The following PDE7B variants were observed in gnomAD, a reference collection of about 807,000 sequenced individuals.
PDE7B encodes 3',5'-cyclic-AMP phosphodiesterase 7B.
A neutral mutation model predicts 56.2 loss-of-function variants in PDE7B; 29 were observed. That is an observed-to-expected ratio of 0.52 (90% CI 0.38 to 0.70). The LOEUF (loss-of-function observed/expected upper bound fraction) is 0.70. PDE7B is among the 30% of genes least tolerant of loss of function. The pLI is 0.00. For missense variants in PDE7B, 490 were observed against 565.0 expected, an observed-to-expected ratio of 0.87 and a Z score of 1.35; for synonymous variants, 197 against 196.9, an observed-to-expected ratio of 1.00 and a Z score of 0.00.
intron 2 of PDE7B, among the ~76,000 whole-genome samples, chr6:135,967,494 C>G (rs1775015157): frequency 1.3e-5 from 2 of 152,078 alleles, no homozygotes; most frequent in African/African-American, 4.8e-5. Flanking sequence ...TTGCTAGCAC[C>G]AGAACTTCAG....
At chr6:136,127,426 TTTTTA>T (rs1778042102) in intron 3 of PDE7B, among the ~76,000 whole-genome samples, 1 of 152,220 alleles carries the variant, frequency 6.6e-6, no homozygotes, top group African/African-American at 2.4e-5. Context: ...CCCTTTGGGC[TTTTTA>T]TTTATCAGTG....
At chr6:135,954,095 C>G (rs987082070) in intron 2 of PDE7B, among the ~76,000 whole-genome samples, 2 of 152,138 alleles carry the variant, frequency 1.3e-5, no homozygotes, top group African/African-American at 4.8e-5. Flanking sequence ...TCACCCAAGG[C>G]CCTGTCTTGT....
rs981290070 is a variant in PDE7B, at chr6:136,173,785, C to A, written c.712-12C>A. 2 of 1,567,874 alleles carry A rather than the reference C, an allele frequency of 1.3e-6. No homozygotes were observed. The highest frequency in any genetic ancestry group is 1.8e-6 in the Non-Finnish European group (2 of 1,139,250). On this transcript the variant is annotated splice_polypyrimidine_tract_variant and intron_variant, in intron 8 of 12. Transcript: ENST00000308191. The stretch of plus-strand genomic sequence containing the variant: ...CCCTCTCATTTATAACTCTTATTTT[C>A]TTTCTTTCTAGAATATGTCTGTGCT...
At chr6:135,852,236 G>T (rs577336311) in intron 1 of PDE7B, among the ~76,000 whole-genome samples, 1 of 151,980 alleles carries the variant, frequency 6.6e-6, no homozygotes, top group East Asian at 1.9e-4. Flanking sequence ...AGGGCAGCAG[G>T]GTTTCATTCC....
chr6:136,049,800 T>C (rs1483396788), intron 2 of PDE7B, among the ~76,000 whole-genome samples: 6 of 152,150 alleles, frequency 3.9e-5, no homozygotes, highest in African/African-American at 1.2e-4. Context: ...AAAAAGACAT[T>C]AGTGGGACGA....
At chr6:135,974,603 T>G (rs1417884316) in intron 2 of PDE7B, among the ~76,000 whole-genome samples, 1 of 152,254 alleles carries the variant, frequency 6.6e-6, no homozygotes, top group Non-Finnish European at 1.5e-5. Flanking sequence ...TGTGCAATTC[T>G]CTGACTCTCT....
intron 2 of PDE7B, 81 bp from the exon 3 acceptor site, chr6:136,108,650 G>T: frequency 1.1e-6 from 1 of 913,528 alleles, no homozygotes; most frequent in Non-Finnish European, 1.8e-6. Context: ...TCTGGGGTTG[G>T]TTTCATTGAG....
chr6:135,936,590 C>A (rs902596504), intron 1 of PDE7B, among the ~76,000 whole-genome samples: 2 of 152,102 alleles, frequency 1.3e-5, no homozygotes, highest in Admixed American at 1.3e-4. Context: ...GGCTCAGGGG[C>A]AGGAACATAG....
At chr6:135,875,501 T>C (rs1775475663) in intron 1 of PDE7B, among the ~76,000 whole-genome samples, 1 of 152,174 alleles carries the variant, frequency 6.6e-6, no homozygotes, top group South Asian at 2.1e-4. Context: ...AATGAGATCA[T>C]GTCCATCCCT....
intron 2 of PDE7B, among the ~76,000 whole-genome samples, chr6:136,107,001 A>G (rs747383407): frequency 5.3e-5 from 8 of 152,338 alleles, no homozygotes; most frequent in Non-Finnish European, 1.2e-4. Flanking sequence ...TCATATCAAT[A>G]TGGCAATGTA....
chr6:136,158,133 T>C (rs1778641184), intron 8 of PDE7B, among the ~76,000 whole-genome samples: 1 of 152,108 alleles, frequency 6.6e-6, no homozygotes, highest in Admixed American at 6.5e-5. Flanking sequence ...TAACGACACA[T>C]GGTATTTAAA....
chr6:136,179,424 C>T (rs957172962), intron 10 of PDE7B, among the ~76,000 whole-genome samples: 15 of 152,110 alleles, frequency 9.9e-5, no homozygotes, highest in African/African-American at 3.4e-4. Context: ...GAGTTATCTC[C>T]GATGGTATGA....
At chr6:135,944,917 A>C (rs1193973568) in intron 1 of PDE7B, among the ~76,000 whole-genome samples, 1 of 152,140 alleles carries the variant, frequency 6.6e-6, no homozygotes, top group African/African-American at 2.4e-5. Context: ...TTCCATAGCA[A>C]ATGGCAGGGG....
chr6:135,868,238 A>C (rs1775301515), intron 1 of PDE7B, among the ~76,000 whole-genome samples: 1 of 151,952 alleles, frequency 6.6e-6, no homozygotes, highest in African/African-American at 2.4e-5. Context: ...TTCAAATTCT[A>C]CATGGCAGAG....
chr6:136,075,472 G>A (rs1777113956), intron 2 of PDE7B, among the ~76,000 whole-genome samples: 1 of 152,198 alleles, frequency 6.6e-6, no homozygotes, highest in Non-Finnish European at 1.5e-5. Context: ...TCAGGAATAT[G>A]ATGCTCCTCA....
intron 2 of PDE7B, among the ~76,000 whole-genome samples, chr6:136,090,609 T>C (rs907699947): frequency 6.6e-6 from 1 of 152,218 alleles, no homozygotes; most frequent in African/African-American, 2.4e-5. Flanking sequence ...GTACACATTG[T>C]TGTCAAAGTC....
At chr6:135,957,459 T>C (rs984962663) in intron 2 of PDE7B, among the ~76,000 whole-genome samples, 5 of 152,136 alleles carry the variant, frequency 3.3e-5, no homozygotes, top group African/African-American at 1.2e-4. Flanking sequence ...AAAGAGTAAC[T>C]GTCCCATGCT....
At chr6:136,076,978 A>G (rs1320600172) in intron 2 of PDE7B, among the ~76,000 whole-genome samples, 3 of 152,086 alleles carry the variant, frequency 2.0e-5, no homozygotes, top group East Asian at 1.9e-4. Flanking sequence ...CAATAAGTGA[A>G]GGTAAGAATA....
At chr6:136,005,584 G>T (rs1583823848) in intron 2 of PDE7B, among the ~76,000 whole-genome samples, 6 of 152,172 alleles carry the variant, frequency 3.9e-5, no homozygotes, top group Admixed American at 2.0e-4. Flanking sequence ...CATTTGTGCA[G>T]CCAAAAAACA....
Sources: gnomAD v4.1 joint callset for allele counts (sites outside exome capture counted in the v4.1 genomes callset) on GRCh38, gnomAD v4.1.1 for gene constraint, MANE v1.5 for transcripts, NCBI Gene and HGNC (gene_info 2026-07-23, HGNC 2026-07-21) for gene names.